RIMKLA: variants seen among roughly 807,000 people sequenced by gnomAD.
RIMKLA encodes N-acetylaspartylglutamate synthase A.
RIMKLA carries 14 observed loss-of-function variants against 32.7 expected under a neutral mutation model. The ratio of observed to expected loss-of-function variants is 0.43; its 90% CI spans 0.28 to 0.67. RIMKLA has a LOEUF of 0.67. Ranked by LOEUF, RIMKLA falls within the 30% of genes least tolerant of loss-of-function variation. RIMKLA has a pLI of 0.18. For missense variants in RIMKLA, 410 were observed against 519.0 expected (o/e 0.79, Z 2.04); for synonymous variants, 176 against 204.1 (o/e 0.86, Z 1.18).
At chr1:42,408,116 C>G (rs1570327790) in intron 3 of RIMKLA, among the ~76,000 whole-genome samples, 1 of 152,134 alleles carries the variant, frequency 6.6e-6, no homozygotes. Flanking sequence ...ATCTGCTTGC[C>G]CCACACTCAT....
chr1:42,404,424 C>T, intron 2 of RIMKLA, 87 bp from the exon 3 acceptor site: 1 of 864,636 alleles, frequency 1.2e-6, no homozygotes, highest in South Asian at 1.4e-5. Context: ...TGAGGCCTCA[C>T]AAGAATTCCT....
At chr1:42,381,261 C>A (rs1178929439) in intron 1 of RIMKLA, among the ~76,000 whole-genome samples, 164 bp downstream of exon 1, 1 of 152,212 alleles carries the variant, frequency 6.6e-6, no homozygotes, top group East Asian at 1.9e-4. Flanking sequence ...AAGCCGCTAA[C>A]CTTCATAGCT....
intron 1 of RIMKLA, among the ~76,000 whole-genome samples, chr1:42,394,465 C>T (rs530522661): frequency 6.6e-6 from 1 of 152,118 alleles, no homozygotes; most frequent in South Asian, 2.1e-4. Flanking sequence ...TTATAAGACA[C>T]CTTTACTTTA....
chr1:42,399,619 G>A lies in RIMKLA; in HGVS notation c.379G>A (p.Asp127Asn). 1.9e-6 allele frequency: 3 copies of A among 1,605,004 alleles called. No homozygotes were observed. Among genetic ancestry groups the A allele is most frequent in the Non-Finnish European group, 2.6e-6 (3 of 1,174,556 alleles). ...GGCTGGACATGGGGTCCCCATGCCA[G>A]ACACCTTCTCCTATGGTGAGTCAGC... Reference protein sequence around the residue: ...ELAGHGVPMPDTFSYGGHEDF... With the variant: ...ELAGHGVPMPNTFSYGGHEDF... Residue 127 changes from aspartate to asparagine, a missense_variant, in exon 2 of 5, where the codon GAC becomes AAC. Physicochemically the swap from Asp to Asn is conservative, Grantham distance 23. Coordinates refer to ENST00000431473, the MANE Select transcript of RIMKLA (RefSeq NM_173642.4).
intron 3 of RIMKLA, among the ~76,000 whole-genome samples, chr1:42,408,352 ATCCTGG>A (rs1643166476): frequency 6.6e-6 from 1 of 152,172 alleles, no homozygotes; most frequent in Non-Finnish European, 1.5e-5. Context: ...GAATGATTGC[ATCCTGG>A]TTATAACATG....
At position 42,385,842 on chromosome 1, in the gene RIMKLA, T is replaced by TTCTCTCTCTCTCTCTC. The variant is rs200871565; in HGVS notation, c.163+4750_163+4751insCTCTCTCTCTCTCTCT. 3.8e-4 allele frequency among the ~76,000 whole-genome samples: 24 copies of TTCTCTCTCTCTCTCTC among 63,606 alleles called. 1 individual carries two copies. The highest frequency in any genetic ancestry group is 1.5e-3 in the African/African-American group (24 of 16,460). The allele number at this position is 63,606 out of a possible 152,430, so 41.7% of individuals were successfully genotyped here. On this transcript the variant is annotated intron_variant, in intron 1 of 4. Transcript: ENST00000431473. ...TTCCTTCCTTCCTTTCTTTCTTTCT[T>TTCTCTCTCTCTCTCTC]TCTCTTTCTTTCTTTCTTTCTTTCT... is the stretch of plus-strand genomic sequence containing the variant.
intron 1 of RIMKLA, 115 bp downstream of exon 1, chr1:42,381,212 T>A: frequency 1.4e-6 from 1 of 739,180 alleles, no homozygotes; most frequent in Non-Finnish European, 1.9e-6. Flanking sequence ...GCCCGCACAC[T>A]AGCCGCACTC....
At chr1:42,387,428 T>C (rs1642960228) in intron 1 of RIMKLA, among the ~76,000 whole-genome samples, 1 of 152,048 alleles carries the variant, frequency 6.6e-6, no homozygotes, top group African/African-American at 2.4e-5. Flanking sequence ...GATTCCACTA[T>C]GAGAAAGTGA....
At chr1:42,388,661 G>A (rs1358905809) in intron 1 of RIMKLA, among the ~76,000 whole-genome samples, 1 of 152,026 alleles carries the variant, frequency 6.6e-6, no homozygotes, top group East Asian at 1.9e-4. Flanking sequence ...TGGGATTACA[G>A]GCACATGCCA....
intron 3 of RIMKLA, among the ~76,000 whole-genome samples, chr1:42,409,489 T>C (rs1329491448): frequency 6.6e-6 from 1 of 152,236 alleles, no homozygotes; most frequent in Non-Finnish European, 1.5e-5. Context: ...TTTTGGGATC[T>C]CTCTCCATCT....
At chr1:42,413,501 C>CAAAAA (rs201462707) in intron 4 of RIMKLA, among the ~76,000 whole-genome samples, 54 of 125,556 alleles carry the variant, frequency 4.3e-4, no homozygotes, top group African/African-American at 1.3e-3. Context: ...AAGAGTCTCT[C>CAAAAA]AAAAAAAAAA....
rs780689137 is a variant in RIMKLA at position 42,399,378 on chromosome 1, C to T, written c.164-26C>T. ...GTGGACTAAACGATAGCAGGCACAG[C>T]ACTCACTGTTGTCCTTGAATTGCAG... On this transcript the variant is annotated intron_variant, in intron 1 of 4. Transcript: ENST00000431473. 2.7e-6 allele frequency: 4 copies of T among 1,493,224 alleles called. No individual in the cohort carries two copies. In the South Asian group the frequency reaches 4.7e-5, roughly 18 times the overall value. The allele number at this position is 1,493,224 out of a possible 1,614,324, so 92.5% of individuals were successfully genotyped here. A position where few individuals can be genotyped will look rare whatever the true frequency, so the allele number is the denominator to read the frequency against.
In RIMKLA at chr1:42,415,185, C is replaced by A; in HGVS notation, c.*211C>A. 1.8e-6 allele frequency: 1 copy of A among 568,022 alleles called. No individual in the cohort carries two copies. Among genetic ancestry groups the A allele is most frequent in the South Asian group, 2.2e-5 (1 of 44,928 alleles). The allele number at this position is 568,022 out of a possible 1,614,324, so 35.2% of individuals were successfully genotyped here. On this transcript the variant is annotated 3_prime_UTR_variant, in exon 5 of 5. Coordinates refer to ENST00000431473, the MANE Select transcript of RIMKLA (RefSeq NM_173642.4). ...ATAAAAACACTCAAGAACAACGTCC[C>A]GACTGATCAGTATGAGACTGATGTC...
intron 1 of RIMKLA, among the ~76,000 whole-genome samples, chr1:42,384,056 G>C (rs994502866): frequency 6.6e-6 from 1 of 152,132 alleles, no homozygotes; most frequent in African/African-American, 2.4e-5. Flanking sequence ...GAGTTGATTG[G>C]GGCAGGTATG....
chr1:42,381,155 TC>T, intron 1 of RIMKLA, 58 bp downstream of exon 1: 1 of 1,216,624 alleles, frequency 8.2e-7, no homozygotes, highest in South Asian at 3.4e-5. Flanking sequence ...CGAGAGCCGG[TC>T]GGGTGGGCGC....
At chr1:42,397,338 A>T (rs1643056269) in intron 1 of RIMKLA, among the ~76,000 whole-genome samples, 1 of 152,190 alleles carries the variant, frequency 6.6e-6, no homozygotes, top group African/African-American at 2.4e-5. Flanking sequence ...TTTTCCCCCT[A>T]GAATTATGTG....
At chr1:42,383,524 T>A (rs1642909159) in intron 1 of RIMKLA, among the ~76,000 whole-genome samples, 1 of 152,258 alleles carries the variant, frequency 6.6e-6, no homozygotes, top group African/African-American at 2.4e-5. Context: ...CCTAGTTTCT[T>A]CTGTAGTCAG....
rs537833666 is a variant in RIMKLA at position 42,404,391 on chromosome 1, G to T, written c.395-120G>T. Reference sequence around the variant, plus strand: ...TGTGTCTGTTGAATCAACTGGGTTTGAATGGCCTTAATCAGAGAGAGATGA... The same window carrying T: ...TGTGTCTGTTGAATCAACTGGGTTTTAATGGCCTTAATCAGAGAGAGATGA... On this transcript the variant is annotated intron_variant, in intron 2 of 4. Coordinates refer to ENST00000431473, the MANE Select transcript of RIMKLA (RefSeq NM_173642.4). The T allele has an allele frequency of 3.1e-5, 22 of 703,692 alleles. 1 individual carries two copies. The East Asian group carries it at 5.3e-4, about 17-fold the overall frequency. The allele number at this position is 703,692 out of a possible 1,614,324, so 43.6% of individuals were successfully genotyped here. A position where few individuals can be genotyped will look rare whatever the true frequency, so the allele number is the denominator to read the frequency against.
At position 42,411,647 on chromosome 1, in the gene RIMKLA, A is replaced by ATTATTTAT. The variant is rs199789074; in HGVS notation, c.685+1495_685+1502dup. ...GGCTGATTTTTGTATTTTTATTTTT[A>ATTATTTAT]TTATTTATTTATTTATTTATTTATT... On this transcript the variant is annotated intron_variant, in intron 4 of 4. Coordinates refer to ENST00000431473, the MANE Select transcript of RIMKLA (RefSeq NM_173642.4). 5.3e-3 allele frequency among the ~76,000 whole-genome samples: 762 copies of ATTATTTAT among 144,210 alleles called. 10 individuals carry two copies. Among genetic ancestry groups the ATTATTTAT allele is most frequent in the African/African-American group, 0.015 (582 of 37,678 alleles). 94.6% of individuals were successfully genotyped at this position (144,210 alleles called of 152,430 possible). A position where few individuals can be genotyped will look rare whatever the true frequency, so the allele number is the denominator to read the frequency against.
Sources: allele counts gnomAD v4.1 joint callset (sites outside exome capture counted in the v4.1 genomes callset), GRCh38; gene constraint gnomAD v4.1.1; transcripts MANE v1.5; gene names NCBI Gene and HGNC (gene_info 2026-07-23, HGNC 2026-07-21).